DPP6: variants seen among roughly 807,000 people sequenced by gnomAD.
DPP6 encodes the protein A-type potassium channel modulatory protein DPP6.
In DPP6, 69 loss-of-function variants were observed where a neutral mutation model predicts 122.6. The ratio of observed to expected loss-of-function variants is 0.56; its 90% CI spans 0.46 to 0.69. DPP6 has a LOEUF of 0.69. Ranked by LOEUF, DPP6 falls within the 30% of genes least tolerant of loss-of-function variation. The probability of loss-of-function intolerance (pLI) is 0.00; values close to 1 mark genes in which losing one functional copy is unlikely to be tolerated. For synonymous variants in DPP6, 418 were observed against 433.1 expected (o/e 0.97, Z 0.43); for missense variants, 928 against 1,116.9 (o/e 0.83, Z 2.41).
chr7:154,525,786 A>G (rs1281466659), intron 3 of DPP6, among the ~76,000 whole-genome samples: 9 of 148,702 alleles, frequency 6.1e-5, no homozygotes, highest in South Asian at 2.1e-4. Flanking sequence ...TCTTGTACCT[A>G]TCATTTCTCT....
At position 154,587,777 on chromosome 7, in the gene DPP6, T is replaced by G. The variant is rs768419282; in HGVS notation, c.627+20861T>G. On this transcript the variant is annotated intron_variant, in intron 5 of 25. Coordinates refer to ENST00000377770, the MANE Select transcript of DPP6 (RefSeq NM_130797.4). Reference sequence around the variant, plus strand: ...TTTCTTCATTACATCACCATGTCTCTTCCTCTTCACTGCCTGCGTGACTAT... The same window carrying G: ...TTTCTTCATTACATCACCATGTCTCGTCCTCTTCACTGCCTGCGTGACTAT... The G allele has an allele frequency of 1.6e-5, 25 of 1,607,902 alleles. No homozygotes were observed. The Admixed American group carries it at 2.7e-4, about 17-fold the overall frequency.
chr7:154,742,573 G>A (rs909094395), intron 8 of DPP6, among the ~76,000 whole-genome samples: 13 of 152,282 alleles, frequency 8.5e-5, no homozygotes, highest in African/African-American at 2.2e-4. Flanking sequence ...ACGACATTTC[G>A]GATTTGAGAT....
In DPP6 at chr7:154,023,318, G is replaced by GCACGCACACACACA. The variant is rs373378162; in HGVS notation, c.51+135587_51+135588insGCACACACACACAC. On this transcript the variant is annotated intron_variant, in intron 1 of 25. Transcript: ENST00000404039. ...CAGGCTCTGGAAATGTTTCTTGTCT[G>GCACGCACACACACA]CACACACACACACACACACACACAC... 3.5e-3 allele frequency among the ~76,000 whole-genome samples: 456 copies of GCACGCACACACACA among 129,584 alleles called. 14 individuals are homozygous for GCACGCACACACACA. The highest frequency in any genetic ancestry group is 0.014 in the African/African-American group (440 of 31,144). The allele number at this position is 129,584 out of a possible 152,430, so 85.0% of individuals were successfully genotyped here.
At chr7:153,909,991 A>G (rs961222694) in intron 1 of DPP6, among the ~76,000 whole-genome samples, 2 of 152,152 alleles carry the variant, frequency 1.3e-5, no homozygotes, top group African/African-American at 4.8e-5. Context: ...TAAGTTGCCT[A>G]CATCCACCCT....
Position 154,727,815 on chromosome 7 carries a change from C to G in DPP6, c.811C>G (p.Gln271Glu), listed in dbSNP as rs1432795573. Residue 271 changes from glutamine (Q) to glutamate (E), a missense_variant, in exon 8 of 26, where the codon CAG (glutamine) becomes GAG (glutamate). Coordinates refer to ENST00000377770, the MANE Select transcript of DPP6 (RefSeq NM_130797.4). ...NIYYCAHVGK[Q>E]AIRVVSTGKE... The stretch of plus-strand genomic sequence containing the variant: ...CTACTACTGTGCACATGTCGGGAAA[C>G]AGGCCATCCGTGTGGTCTCCACTGG... 1.2e-6 allele frequency: 2 copies of G among 1,613,900 alleles called. No individual in the cohort carries two copies. Among genetic ancestry groups the G allele is most frequent in the South Asian group, 1.1e-5 (1 of 91,066 alleles).
intron 1 of DPP6, among the ~76,000 whole-genome samples, chr7:154,384,044 G>T (rs1184865278): frequency 6.6e-6 from 1 of 152,172 alleles, no homozygotes; most frequent in Non-Finnish European, 1.5e-5. Context: ...GGGAGCAGCT[G>T]CTTTGCACCT....
At position 154,867,897 on chromosome 7, in the gene DPP6, A is replaced by G. The variant is rs1054053325; in HGVS notation, c.1715-98A>G. 14 of 1,413,356 alleles carry G rather than the reference A, an allele frequency of 9.9e-6. No individual in the cohort carries two copies. The African/African-American group carries it at 2.0e-4, about 20-fold the overall frequency. 87.6% of individuals were successfully genotyped at this position (1,413,356 alleles called of 1,614,324 possible). ...ATAATAATAATCACCTCTGAGGCTG[A>G]TGAAAGCAGCAGTTACGCACATGAA... On this transcript the variant is annotated intron_variant, in intron 17 of 25. Transcript: ENST00000377770.
intron 17 of DPP6, among the ~76,000 whole-genome samples, chr7:154,866,222 A>G (rs1399032562): frequency 2.0e-5 from 3 of 152,128 alleles, no homozygotes; most frequent in Non-Finnish European, 4.4e-5. Context: ...ACTCCCTGCT[A>G]GTCTTCCTTT....
At chr7:153,966,187 C>T (rs1563057304) in intron 1 of DPP6, among the ~76,000 whole-genome samples, 1 of 135,760 alleles carries the variant, frequency 7.4e-6, no homozygotes, top group East Asian at 2.3e-4. Flanking sequence ...GAATCTTTCA[C>T]ATTGTGAGCT....
At chr7:154,451,073 G>A (rs1820320786) in intron 2 of DPP6, among the ~76,000 whole-genome samples, 1 of 152,096 alleles carries the variant, frequency 6.6e-6, no homozygotes, top group East Asian at 1.9e-4. Context: ...TCACTCAAGA[G>A]TGGAATAAGG....
Position 154,481,845 on chromosome 7 carries a change from T to A in DPP6, c.457+6808T>A, listed in dbSNP as rs926317276. 6.6e-6 allele frequency among the ~76,000 whole-genome samples: 1 copy of A among 152,208 alleles called. No individual in the cohort carries two copies. The highest frequency in any genetic ancestry group is 2.4e-5 in the African/African-American group (1 of 41,458). The stretch of plus-strand genomic sequence containing the variant: ...TTTTGGATTCTCCTATATCCTGCAC[T>A]GACCCTTTTGTTACATAGGTTAAGT... On this transcript the variant is annotated intron_variant, in intron 3 of 25. Coordinates refer to ENST00000377770, the MANE Select transcript of DPP6 (RefSeq NM_130797.4). This position sits in a 1 kb window ranked among gnomAD's most constrained non-coding sequence, Gnocchi z 4.2.
chr7:154,403,285 G>A lies in DPP6; in HGVS notation c.244-42929G>A, dbSNP rs1815795898. ...GCCTCTGACTATGCAGGAGGTTGCT[G>A]TGTGATAGAGTGCGGGGGAATCAGG... On this transcript the variant is annotated intron_variant, in intron 1 of 25. Transcript: ENST00000377770. This position sits in a 1 kb window ranked among gnomAD's most constrained non-coding sequence, Gnocchi z 4.1. Among the ~76,000 whole-genome samples the A allele has an allele frequency of 6.6e-6, 1 of 152,244 alleles. No individual in the cohort carries two copies. Among genetic ancestry groups the A allele is most frequent in the South Asian group, 2.1e-4 (1 of 4,828 alleles).
chr7:154,769,323 G>C, intron 8 of DPP6, 94 bp from the exon 9 acceptor site: 2 of 1,552,784 alleles, frequency 1.3e-6, no homozygotes, highest in Non-Finnish European at 1.8e-6. Flanking sequence ...GCAGGGACTC[G>C]TTTCTTTCCT....
intron 1 of DPP6, among the ~76,000 whole-genome samples, chr7:154,323,559 C>G (rs1808162354): frequency 1.3e-5 from 2 of 152,218 alleles, no homozygotes; most frequent in South Asian, 4.1e-4. Context: ...TTTTGGTCCC[C>G]TAACCATGAG....
chr7:154,168,931 A>C (rs756979182), intron 1 of DPP6, among the ~76,000 whole-genome samples: 1 of 152,220 alleles, frequency 6.6e-6, no homozygotes, highest in South Asian at 2.1e-4. Context: ...TTGATCAGGC[A>C]TATCTGTGCA....
intron 7 of DPP6, among the ~76,000 whole-genome samples, chr7:154,700,002 T>C (rs565112721): frequency 1.3e-5 from 2 of 152,332 alleles, no homozygotes; most frequent in South Asian, 4.1e-4. Context: ...CTAGGTAACA[T>C]AGCCCTGAAA....
intron 1 of DPP6, among the ~76,000 whole-genome samples, chr7:154,391,829 A>C (rs766664691): frequency 1.3e-5 from 2 of 152,144 alleles, no homozygotes; most frequent in Non-Finnish European, 2.9e-5. Context: ...CTCTAGCACA[A>C]GGTTGCTTTA....
intron 1 of DPP6, among the ~76,000 whole-genome samples, chr7:153,972,518 G>A (rs866421903): frequency 2.4e-4 from 36 of 150,880 alleles, no homozygotes; most frequent in African/African-American, 7.1e-4. Context: ...AGTATTTACA[G>A]ACTGAAGCAA....
At position 154,178,518 on chromosome 7, in the gene DPP6, A is replaced by G. The variant is rs78874581; in HGVS notation, c.243+125455A>G. 8.0e-3 allele frequency among the ~76,000 whole-genome samples: 718 copies of G among 89,690 alleles called. 2 individuals carry two copies. Among genetic ancestry groups the G allele is most frequent in the African/African-American group, 0.02 (680 of 33,808 alleles). The allele number at this position is 89,690 out of a possible 152,430, so 58.8% of individuals were successfully genotyped here. Reference sequence around the variant, plus strand: ...GGGATTCTTGGAAAAAAAAATCCTGAAAAAAAAAAAACAATTCTAGTTTAG... The same window carrying G: ...GGGATTCTTGGAAAAAAAAATCCTGGAAAAAAAAAAACAATTCTAGTTTAG... On this transcript the variant is annotated intron_variant, in intron 1 of 25. Transcript: ENST00000377770.
Sources: allele counts gnomAD v4.1 joint callset (sites outside exome capture counted in the v4.1 genomes callset), GRCh38; gene constraint gnomAD v4.1.1; non-coding constraint Gnocchi (gnomAD v3.1); transcripts MANE v1.5; gene names NCBI Gene and HGNC (gene_info 2026-07-23, HGNC 2026-07-21).